Variants in INPP5D observed in about 807,000 individuals in gnomAD.
INPP5D encodes inositol polyphosphate-5-phosphatase D.
A neutral mutation model predicts 122.9 loss-of-function variants in INPP5D; 33 were observed. The observed-to-expected ratio is 0.27, with a 90% CI of 0.20 to 0.36. INPP5D has a LOEUF of 0.36. Ranked by LOEUF, INPP5D falls within the 10% of genes least tolerant of loss-of-function variation. The pLI is 1.00. For synonymous variants in INPP5D, 584 were observed against 576.2 expected, an observed-to-expected ratio of 1.01 and a Z score of -0.19; for missense variants, 1,053 against 1,412.7, an observed-to-expected ratio of 0.75 and a Z score of 4.08.
intron 5 of INPP5D, among the ~76,000 whole-genome samples, chr2:233,133,655 T>G (rs1693391457): frequency 6.6e-6 from 1 of 152,176 alleles, no homozygotes; most frequent in Non-Finnish European, 1.5e-5. Flanking sequence ...TTTCACTGGG[T>G]GTCCTGTGTT....
At chr2:233,065,307 G>GTT (rs376982879) in intron 1 of INPP5D, among the ~76,000 whole-genome samples, 3,755 of 116,902 alleles carry the variant, frequency 0.032, 162 homozygotes, top group South Asian at 0.043. Flanking sequence ...CACTTCTTGG[G>GTT]TTTTTTTTTT....
intron 1 of INPP5D, among the ~76,000 whole-genome samples, chr2:233,067,733 G>A (rs184795888): frequency 1.3e-5 from 2 of 152,318 alleles, no homozygotes; most frequent in African/African-American, 4.8e-5. Context: ...CCTAGTGGGT[G>A]TGAAGTGATG....
chr2:233,100,095 AT>A lies in INPP5D; in HGVS notation c.198+20699del, dbSNP rs942923139. Among the ~76,000 whole-genome samples the A allele has an allele frequency of 7.9e-5, 12 of 152,210 alleles. No individual in the cohort carries two copies. Among genetic ancestry groups the A allele is most frequent in the African/African-American group, 2.4e-4 (10 of 41,458 alleles). ...ACACGTGGGAATTGTGGGAGTTACA[AT>A]TCAAGATGAGATTTGGGTGGGGACA... On this transcript the variant is annotated intron_variant, in intron 2 of 26. Coordinates refer to ENST00000445964, the MANE Select transcript of INPP5D (RefSeq NM_001017915.3). The surrounding 1 kb of genome is among the most constrained non-coding windows in gnomAD (Gnocchi z 5.3).
intron 5 of INPP5D, among the ~76,000 whole-genome samples, chr2:233,131,828 C>T (rs545807958): frequency 6.6e-6 from 1 of 152,304 alleles, no homozygotes; most frequent in South Asian, 2.1e-4. Flanking sequence ...TTCAAGATTC[C>T]TTTGTTGATT....
At chr2:233,171,523 A>G (rs1694494116) in intron 17 of INPP5D, among the ~76,000 whole-genome samples, 1 of 152,244 alleles carries the variant, frequency 6.6e-6, no homozygotes, top group African/African-American at 2.4e-5. Context: ...AGGACTTATC[A>G]GAGCTTTTAT....
intron 1 of INPP5D, among the ~76,000 whole-genome samples, chr2:233,064,259 G>A (rs1691151205): frequency 6.6e-6 from 1 of 152,266 alleles, no homozygotes; most frequent in Admixed American, 6.5e-5. Context: ...TCCCTCATGG[G>A]GGAGGCGAAG....
At chr2:233,162,679 C>T (rs1694227375) in intron 11 of INPP5D, among the ~76,000 whole-genome samples, 2 of 152,146 alleles carry the variant, frequency 1.3e-5, no homozygotes, top group South Asian at 4.2e-4. Flanking sequence ...GTCGTGTGTC[C>T]CCTACCCTTG....
intron 1 of INPP5D, among the ~76,000 whole-genome samples, chr2:233,066,765 C>G (rs1444362278): frequency 6.6e-6 from 1 of 150,906 alleles, no homozygotes; most frequent in African/African-American, 2.5e-5. Flanking sequence ...TGCCACCATG[C>G]CCGGCTAATT....
intron 5 of INPP5D, among the ~76,000 whole-genome samples, chr2:233,135,124 A>C (rs1285875297): frequency 6.6e-6 from 1 of 152,168 alleles, no homozygotes; most frequent in Non-Finnish European, 1.5e-5. Context: ...AAAAGAGCTA[A>C]ATCTAAGTTT....
At chr2:233,178,372 G>T (rs555770512) in intron 18 of INPP5D, among the ~76,000 whole-genome samples, 3 of 152,238 alleles carry the variant, frequency 2.0e-5, no homozygotes, top group East Asian at 1.9e-4. Context: ...CTACTGATTA[G>T]TTCCCATTAC....
chr2:233,138,116 C>T (rs1051693774), intron 5 of INPP5D, among the ~76,000 whole-genome samples: 1 of 150,080 alleles, frequency 6.7e-6, no homozygotes, highest in Non-Finnish European at 1.5e-5. Flanking sequence ...CTTTGGGAAG[C>T]TGAGGTGGGC....
chr2:233,088,885 G>T, intron 2 of INPP5D, among the ~76,000 whole-genome samples: 1 of 152,180 alleles, frequency 6.6e-6, no homozygotes, highest in East Asian at 1.9e-4. Flanking sequence ...GAGGACAAGT[G>T]CCTGGAAATC....
intron 18 of INPP5D, among the ~76,000 whole-genome samples, chr2:233,179,347 G>A (rs1431761857): frequency 5.9e-5 from 9 of 152,206 alleles, no homozygotes; most frequent in Non-Finnish European, 1.3e-4. Flanking sequence ...CTGCAGCTCC[G>A]TGCATCCTGC....
intron 2 of INPP5D, among the ~76,000 whole-genome samples, chr2:233,095,893 T>A (rs973960990): frequency 3.9e-5 from 6 of 152,196 alleles, no homozygotes; most frequent in Admixed American, 3.9e-4. Context: ...ATGTTTTATA[T>A]ATTTATATTT....
chr2:233,147,948 C>A (rs1693812291), intron 9 of INPP5D, among the ~76,000 whole-genome samples: 1 of 152,240 alleles, frequency 6.6e-6, no homozygotes, highest in Non-Finnish European at 1.5e-5. Context: ...TGACCTGGGA[C>A]ATGTCATGAC....
intron 9 of INPP5D, among the ~76,000 whole-genome samples, chr2:233,157,391 A>G (rs1694082637): frequency 6.6e-6 from 1 of 152,234 alleles, no homozygotes; most frequent in Admixed American, 6.5e-5. Flanking sequence ...AGTTGGTCAC[A>G]TGGAAAAGAG....
At chr2:233,184,382 T>C (rs1450533125) in intron 19 of INPP5D, 26 bp from the exon 20 acceptor site, 2 of 1,612,488 alleles carry the variant, frequency 1.2e-6, no homozygotes, top group Admixed American at 1.7e-5. Context: ...ATTGTGGAAC[T>C]GAATCCGTGT....
At chr2:233,147,386 C>G in intron 8 of INPP5D, 85 bp from the exon 9 acceptor site, 1 of 682,592 alleles carries the variant, frequency 1.5e-6, no homozygotes, top group Non-Finnish European at 2.7e-6. Flanking sequence ...GTTGCCCAGC[C>G]ATGTAGACAA....
rs1695526266 is a variant in INPP5D at position 233,207,003 on chromosome 2, A to C, written c.*295A>C. 2.5e-6 allele frequency: 1 copy of C among 399,776 alleles called. No homozygotes were observed. Among genetic ancestry groups the C allele is most frequent in the African/African-American group, 2.1e-5 (1 of 48,210 alleles). The allele number at this position is 399,776 out of a possible 1,614,324, so 24.8% of individuals were successfully genotyped here. On this transcript the variant is annotated 3_prime_UTR_variant, in exon 27 of 27. Transcript: ENST00000445964. The surrounding 1 kb of genome is among the most constrained non-coding windows in gnomAD (Gnocchi z 4.6). The stretch of plus-strand genomic sequence containing the variant: ...TGCCTCGTTGAGGGCGCCATTCTGA[A>C]GAAAGGAACTGCAGCGCCGATTTGA...
Sources: gnomAD v4.1 joint callset for allele counts (sites outside exome capture counted in the v4.1 genomes callset) on GRCh38, gnomAD v4.1.1 for gene constraint, Gnocchi (gnomAD v3.1) non-coding constraint, MANE v1.5 for transcripts, NCBI Gene and HGNC (gene_info 2026-07-23, HGNC 2026-07-21) for gene names.